TAPT1: variants seen among roughly 807,000 people sequenced by gnomAD.
TAPT1 encodes transmembrane anterior posterior transformation protein 1 homolog.
TAPT1 carries 28 observed loss-of-function variants against 65.6 expected under a neutral mutation model. That is an observed-to-expected ratio of 0.43 (90% CI 0.32 to 0.59). The LOEUF (loss-of-function observed/expected upper bound fraction) is 0.59, where lower values mean the gene tolerates loss of function less well. Ranked by LOEUF, TAPT1 falls within the 20% of genes least tolerant of loss-of-function variation. TAPT1 has a pLI of 0.09. For missense variants in TAPT1, 563 were observed against 679.9 expected, an observed-to-expected ratio of 0.83 and a Z score of 1.91; for synonymous variants, 278 against 245.2, an observed-to-expected ratio of 1.13 and a Z score of -1.25.
At chr4:16,210,777 T>A (rs1032430718) in intron 2 of TAPT1, among the ~76,000 whole-genome samples, 1 of 152,106 alleles carries the variant, frequency 6.6e-6, no homozygotes, top group Non-Finnish European at 1.5e-5. Context: ...CAAAGTGGAC[T>A]ACATAAACAG....
At chr4:16,226,994 C>CGCG (rs1560199210), upstream of TAPT1, 3 of 451,168 alleles carry the variant, frequency 6.6e-6, no homozygotes, top group South Asian at 3.1e-5. Flanking sequence ...CTGGCGCGGC[C>CGCG]GCGGCGGCGG....
In TAPT1 at chr4:16,226,461, C is replaced by G; in HGVS notation, c.-4G>C. On this transcript the variant is annotated 5_prime_UTR_variant, in exon 1 of 14. Coordinates refer to ENST00000405303, the MANE Select transcript of TAPT1 (RefSeq NM_153365.3). The stretch of plus-strand genomic sequence containing the variant: ...CCGCGTCGCCGACGCCCGCCATGTT[C>G]CGAGCACAACAAACTGTCCCCGCCG... 9.4e-7 allele frequency: 1 copy of G among 1,060,958 alleles called. No individual in the cohort carries two copies. The highest frequency in any genetic ancestry group is 1.1e-6 in the Non-Finnish European group (1 of 880,714). The allele number at this position is 1,060,958 out of a possible 1,614,324, so 65.7% of individuals were successfully genotyped here.
chr4:16,213,639 T>G (rs922196464), intron 2 of TAPT1, 129 bp downstream of exon 2: 5 of 799,534 alleles, frequency 6.3e-6, no homozygotes, highest in Non-Finnish European at 9.0e-6. Context: ...TAAGGAAATT[T>G]CTACTCCCCC....
intron 1 of TAPT1, among the ~76,000 whole-genome samples, chr4:16,224,589 C>G (rs1308741240): frequency 6.6e-6 from 1 of 152,172 alleles, no homozygotes; most frequent in Admixed American, 6.5e-5. Context: ...TCTCCTCACA[C>G]AAAATCAATG....
At chr4:16,194,911 T>C (rs1375986584) in intron 3 of TAPT1, among the ~76,000 whole-genome samples, 1 of 150,264 alleles carries the variant, frequency 6.7e-6, no homozygotes, top group African/African-American at 2.5e-5. Context: ...TTTGTATTTT[T>C]AGTACAGACA....
At chr4:16,174,426 T>C in intron 10 of TAPT1, 154 bp from the exon 11 acceptor site, 1 of 731,810 alleles carries the variant, frequency 1.4e-6, no homozygotes, top group South Asian at 2.0e-5. Context: ...GAAATCCAAA[T>C]GTTCACAAGT....
At chr4:16,176,512 A>T in intron 8 of TAPT1, 5 of 196,056 alleles carry the variant, frequency 2.6e-5, no homozygotes, top group Non-Finnish European at 5.1e-5. Flanking sequence ...CCTGGCCAAA[A>T]TGGTGAAACC....
At chr4:16,195,343 T>C (rs900172813) in intron 3 of TAPT1, among the ~76,000 whole-genome samples, 6 of 152,226 alleles carry the variant, frequency 3.9e-5, no homozygotes, top group Admixed American at 1.3e-4. Flanking sequence ...GCTACAGTTC[T>C]TATAAATGGC....
chr4:16,165,987 G>A (rs1048060202), intron 13 of TAPT1, among the ~76,000 whole-genome samples: 10 of 152,166 alleles, frequency 6.6e-5, no homozygotes, highest in African/African-American at 2.4e-4. Flanking sequence ...CCTTCCACCT[G>A]GAAGGTTCTC....
chr4:16,166,530 T>G (rs567296380), intron 13 of TAPT1, 103 bp downstream of exon 13: 1 of 1,427,630 alleles, frequency 7.0e-7, no homozygotes, highest in East Asian at 2.3e-5. Flanking sequence ...CAAAAATCTA[T>G]GCAAAGGGAA....
intron 3 of TAPT1, 53 bp from the exon 4 acceptor site, chr4:16,191,576 C>A: frequency 1.3e-6 from 2 of 1,489,472 alleles, no homozygotes; most frequent in South Asian, 1.3e-5. Flanking sequence ...TATGTTCTCA[C>A]AAAAACAATA....
At chr4:16,185,577 C>T (rs1415915652) in intron 7 of TAPT1, among the ~76,000 whole-genome samples, 5 of 152,110 alleles carry the variant, frequency 3.3e-5, no homozygotes, top group Admixed American at 2.6e-4. Flanking sequence ...CCATGTTGGC[C>T]GGGCTGGTCT....
chr4:16,169,690 G>A (rs113997044), intron 12 of TAPT1, among the ~76,000 whole-genome samples: 3 of 152,220 alleles, frequency 2.0e-5, no homozygotes, highest in Admixed American at 6.5e-5. Context: ...TGGGAAGCAG[G>A]CTCACGACTC....
At position 16,175,870 on chromosome 4, in the gene TAPT1, T is replaced by C. The variant is rs527880844; in HGVS notation, c.1107+249A>G. Among the ~76,000 whole-genome samples, 10 of 152,318 alleles carry C rather than the reference T, an allele frequency of 6.6e-5. No individual in the cohort carries two copies. In the South Asian group the frequency reaches 1.9e-3, roughly 28 times the overall value. On this transcript the variant is annotated intron_variant, in intron 9 of 13. Transcript: ENST00000405303. ...AACAGATTATGACAGTGTTAACTGA[T>C]CAGAATGATTTTGAGTTAGTGACAC...
At chr4:16,219,494 C>T (rs1051847980) in intron 1 of TAPT1, among the ~76,000 whole-genome samples, 6 of 152,134 alleles carry the variant, frequency 3.9e-5, no homozygotes, top group East Asian at 3.9e-4. Flanking sequence ...GTAAACTTTG[C>T]GTACAATTAG....
intron 3 of TAPT1, chr4:16,196,635 A>G: frequency 7.9e-7 from 1 of 1,260,442 alleles, no homozygotes; most frequent in Non-Finnish European, 1.0e-6. Flanking sequence ...AGAGTATAGA[A>G]GGAAAAATCA....
chr4:16,164,122 T>C (rs1054707918), intron 13 of TAPT1, among the ~76,000 whole-genome samples: 16 of 152,168 alleles, frequency 1.1e-4, no homozygotes, highest in Non-Finnish European at 2.1e-4. Flanking sequence ...ATCTGAATCA[T>C]ACATTCAATC....
At chr4:16,174,788 G>C in intron 9 of TAPT1, 59 bp from the exon 10 acceptor site, 5 of 1,190,098 alleles carry the variant, frequency 4.2e-6, no homozygotes, top group Non-Finnish European at 5.8e-6. Context: ...AATGTGGAAA[G>C]ACTGCAACTT....
intron 1 of TAPT1, 162 bp downstream of exon 1, chr4:16,226,097 G>A: frequency 3.9e-6 from 4 of 1,024,794 alleles, no homozygotes; most frequent in East Asian, 8.7e-5. Context: ...CGGCCGCGGA[G>A]CCTCGGCAGC....
Sources: allele counts gnomAD v4.1 joint callset (sites outside exome capture counted in the v4.1 genomes callset), GRCh38; gene constraint gnomAD v4.1.1; transcripts MANE v1.5; gene names NCBI Gene and HGNC (gene_info 2026-07-23, HGNC 2026-07-21).